Variants in ABTB3 observed in about 807,000 individuals in gnomAD.
ABTB3 encodes ankyrin repeat- and BTB/POZ domain-containing protein 3.
At chr12:107,638,402 T>G in the ABTB3 span, among the ~76,000 whole-genome samples, 1 of 152,080 alleles carries the variant, frequency 6.6e-6, no homozygotes, top group African/African-American at 2.4e-5. Context: ...AACAGCTGAG[T>G]GGTCACAGCC....
At chr12:107,581,929 T>C in the ABTB3 span, among the ~76,000 whole-genome samples, 2 of 152,174 alleles carry the variant, frequency 1.3e-5, no homozygotes, top group African/African-American at 4.8e-5. Context: ...TGCGTGCGCG[T>C]GCACGCACAC....
the ABTB3 span, among the ~76,000 whole-genome samples, chr12:107,401,745 A>G: frequency 6.6e-6 from 1 of 152,202 alleles, no homozygotes; most frequent in African/African-American, 2.4e-5. Flanking sequence ...GAAATTCCTG[A>G]CTGACGAAAT....
the ABTB3 span, among the ~76,000 whole-genome samples, chr12:107,389,452 C>G: frequency 6.6e-6 from 1 of 151,690 alleles, no homozygotes; most frequent in African/African-American, 2.4e-5. Flanking sequence ...TAGAGCCGGA[C>G]AGTCTGACAC....
At chr12:107,612,587 C>G in the ABTB3 span, among the ~76,000 whole-genome samples, 1 of 152,224 alleles carries the variant, frequency 6.6e-6, no homozygotes, top group Non-Finnish European at 1.5e-5. Flanking sequence ...GAGGCTCCTT[C>G]GTCGCCTCTA....
the ABTB3 span, among the ~76,000 whole-genome samples, chr12:107,422,945 C>T: frequency 6.6e-6 from 1 of 152,212 alleles, no homozygotes; most frequent in Non-Finnish European, 1.5e-5. Flanking sequence ...ATATCAATTG[C>T]CATGGGGAAA....
chr12:107,451,570 G>A, the ABTB3 span, among the ~76,000 whole-genome samples: 7 of 152,074 alleles, frequency 4.6e-5, no homozygotes, highest in South Asian at 1.2e-3. Context: ...CACTGACCTC[G>A]CGGTAAAGTC....
chr12:107,526,040 C>T, the ABTB3 span, among the ~76,000 whole-genome samples: 1 of 152,176 alleles, frequency 6.6e-6, no homozygotes, highest in Non-Finnish European at 1.5e-5. Context: ...GCACCTAACA[C>T]ATCACCCACA....
the ABTB3 span, among the ~76,000 whole-genome samples, chr12:107,357,664 T>G: frequency 6.6e-6 from 1 of 152,204 alleles, no homozygotes. Context: ...TTACTGACCC[T>G]TCTCTGTTAC....
chr12:107,544,480 ATCT>A, the ABTB3 span, among the ~76,000 whole-genome samples: 1 of 152,140 alleles, frequency 6.6e-6, no homozygotes, highest in Non-Finnish European at 1.5e-5. Context: ...AGTTATCTTC[ATCT>A]TCTTTCATCC....
At chr12:107,657,719 A>G in the ABTB3 span, 80 of 1,614,028 alleles carry the variant, frequency 5.0e-5, no homozygotes, top group East Asian at 1.7e-3. Context: ...CGTGGTATGA[A>G]ACGCCTAGTG....
the ABTB3 span, among the ~76,000 whole-genome samples, chr12:107,471,071 T>C: frequency 0.047 from 7,205 of 152,292 alleles, 280 homozygotes; most frequent in East Asian, 0.2. Flanking sequence ...CGTGGCTTGA[T>C]GGATGGGGCT....
chr12:107,386,420 G>T, the ABTB3 span, among the ~76,000 whole-genome samples: 2 of 152,172 alleles, frequency 1.3e-5, no homozygotes, highest in Non-Finnish European at 2.9e-5. Flanking sequence ...ACAGAGCTTG[G>T]CATATAGTAT....
chr12:107,525,715 T>A, the ABTB3 span, among the ~76,000 whole-genome samples: 2 of 152,240 alleles, frequency 1.3e-5, no homozygotes, highest in South Asian at 2.1e-4. Context: ...AACCCTTGCC[T>A]GTTTCCTCAG....
At chr12:107,476,064 G>C in the ABTB3 span, among the ~76,000 whole-genome samples, 1 of 152,178 alleles carries the variant, frequency 6.6e-6, no homozygotes. Flanking sequence ...CCAGAAGCCG[G>C]GGCCCTGATT....
chr12:107,639,400 T>C, the ABTB3 span, among the ~76,000 whole-genome samples: 1 of 151,914 alleles, frequency 6.6e-6, no homozygotes, highest in Admixed American at 6.6e-5. Flanking sequence ...TGCAGTGAGG[T>C]GGGTCATCAG....
At chr12:107,472,313 G>A in the ABTB3 span, among the ~76,000 whole-genome samples, 1 of 152,184 alleles carries the variant, frequency 6.6e-6, no homozygotes, top group East Asian at 1.9e-4. Context: ...GCTATGATGG[G>A]AGCTTATAAA....
At chr12:107,333,660 G>A in the ABTB3 span, among the ~76,000 whole-genome samples, 1 of 152,296 alleles carries the variant, frequency 6.6e-6, no homozygotes, top group South Asian at 2.1e-4. Flanking sequence ...TCGATCATTT[G>A]TTCAATAGCT....
chr12:107,326,341 T>C, the ABTB3 span, among the ~76,000 whole-genome samples: 1 of 152,164 alleles, frequency 6.6e-6, no homozygotes. Context: ...GTACCAAGCT[T>C]GATTAATGGA....
the ABTB3 span, among the ~76,000 whole-genome samples, chr12:107,518,927 A>G: frequency 1.3e-5 from 2 of 152,298 alleles, no homozygotes; most frequent in South Asian, 2.1e-4. Flanking sequence ...TTTTGCAGCT[A>G]TGTGTGTAAC....
Sources: gnomAD v4.1 joint callset for allele counts (sites outside exome capture counted in the v4.1 genomes callset) on GRCh38, gnomAD v4.1.1 for gene constraint, MANE v1.5 for transcripts, NCBI Gene and HGNC (gene_info 2026-07-23, HGNC 2026-07-21) for gene names.